SRGAP3: variants seen among roughly 807,000 people sequenced by gnomAD.
The protein encoded by SRGAP3 is SLIT-ROBO Rho GTPase-activating protein 3.
In SRGAP3, 39 loss-of-function variants were observed where a neutral mutation model predicts 121.1. The observed-to-expected ratio is 0.32, with a 90% CI of 0.25 to 0.42. The LOEUF (loss-of-function observed/expected upper bound fraction) is 0.42. Among genes scored for constraint, SRGAP3 ranks in the 10% least tolerant of loss-of-function variants. SRGAP3 has a pLI of 1.00. For synonymous variants in SRGAP3, 601 were observed against 570.0 expected (o/e 1.05, Z -0.77); for missense variants, 1,213 against 1,470.6 (o/e 0.82, Z 2.86).
At chr3:9,155,681 T>C (rs1419558292) in intron 1 of SRGAP3, among the ~76,000 whole-genome samples, 3 of 152,236 alleles carry the variant, frequency 2.0e-5, no homozygotes, top group South Asian at 2.1e-4. Context: ...ATGTCATCTA[T>C]TGAGGTTTTA....
intron 1 of SRGAP3, among the ~76,000 whole-genome samples, chr3:9,360,974 C>G (rs777302664): frequency 1.3e-5 from 2 of 152,180 alleles, no homozygotes; most frequent in Non-Finnish European, 2.9e-5. Context: ...TACTTTTAGT[C>G]ATTTTGATGA....
intron 3 of SRGAP3, among the ~76,000 whole-genome samples, chr3:9,322,834 C>T (rs756463425): frequency 2.6e-5 from 4 of 151,804 alleles, no homozygotes; most frequent in Non-Finnish European, 5.9e-5. Flanking sequence ...GCCCAGCAAT[C>T]CCATTCCTCA....
At chr3:9,214,702 G>T (rs556150832) in intron 1 of SRGAP3, among the ~76,000 whole-genome samples, 1 of 152,218 alleles carries the variant, frequency 6.6e-6, no homozygotes, top group Non-Finnish European at 1.5e-5. Context: ...TCTCGGTTTT[G>T]ATCTGTGCTT....
At chr3:9,138,626 C>T (rs546787898) in intron 1 of SRGAP3, among the ~76,000 whole-genome samples, 1 of 152,248 alleles carries the variant, frequency 6.6e-6, no homozygotes, top group African/African-American at 2.4e-5. Context: ...ATCCCTGATC[C>T]GAAAATCTGA....
intron 1 of SRGAP3, among the ~76,000 whole-genome samples, chr3:9,235,300 A>G (rs1206764084): frequency 7.9e-5 from 12 of 152,240 alleles, no homozygotes; most frequent in Non-Finnish European, 7.4e-5. Context: ...CATTTTTATT[A>G]TACACAGATA....
intron 3 of SRGAP3, among the ~76,000 whole-genome samples, chr3:9,270,289 A>T (rs1315212722): frequency 1.3e-5 from 2 of 152,232 alleles, no homozygotes; most frequent in African/African-American, 4.8e-5. Context: ...TGGAAAGAAA[A>T]AAGTCAATCT....
At chr3:9,160,990 G>A (rs1051636120) in intron 1 of SRGAP3, among the ~76,000 whole-genome samples, 1 of 152,002 alleles carries the variant, frequency 6.6e-6, no homozygotes, top group Non-Finnish European at 1.5e-5. Flanking sequence ...ATAAAGGAGA[G>A]GTAAAAGCTC....
chr3:8,985,166 A>G lies in SRGAP3; in HGVS notation c.*353T>C. 1 of 393,816 alleles carries G rather than the reference A, an allele frequency of 2.5e-6. No homozygotes were observed. 24.4% of individuals were successfully genotyped at this position (393,816 alleles called of 1,614,324 possible). On this transcript the variant is annotated 3_prime_UTR_variant, in exon 22 of 22. Coordinates refer to ENST00000383836, the MANE Select transcript of SRGAP3 (RefSeq NM_014850.4). The surrounding 1 kb of genome is among the most constrained non-coding windows in gnomAD (Gnocchi z 5.1). Reference sequence around the variant, plus strand: ...TGTGTATATATGCACACATCGATATACACACACATATACGTATGTAGAGAG... The same window carrying G: ...TGTGTATATATGCACACATCGATATGCACACACATATACGTATGTAGAGAG...
intron 1 of SRGAP3, among the ~76,000 whole-genome samples, chr3:9,230,483 T>C (rs1953162848): frequency 6.6e-6 from 1 of 152,166 alleles, no homozygotes; most frequent in African/African-American, 2.4e-5. Context: ...CGTACCCCCA[T>C]GCCAGAATCA....
At position 9,218,399 on chromosome 3, in the gene SRGAP3, A is replaced by C. The variant is rs1474327716; in HGVS notation, c.67+30486T>G. 1 of 152,236 alleles carries C rather than the reference A, an allele frequency of 6.6e-6. No individual in the cohort carries two copies. The highest frequency in any genetic ancestry group is 1.5e-5 in the Non-Finnish European group (1 of 68,064). 9.4% of individuals were successfully genotyped at this position (152,236 alleles called of 1,614,324 possible). ...TGGCAGAATCTAAGCATAAACGCTT[A>C]GCAGAGAAAATAAACACACCGTCCA... is the stretch of plus-strand genomic sequence containing the variant. On this transcript the variant is annotated intron_variant, in intron 1 of 21. Transcript: ENST00000383836. The surrounding 1 kb of genome is among the most constrained non-coding windows in gnomAD (Gnocchi z 5.3).
intron 3 of SRGAP3, among the ~76,000 whole-genome samples, chr3:9,102,357 C>T (rs1948249284): frequency 6.6e-6 from 1 of 152,186 alleles, no homozygotes; most frequent in Non-Finnish European, 1.5e-5. Flanking sequence ...CTGAGACAAA[C>T]TCCAAAAGCC....
intron 3 of SRGAP3, among the ~76,000 whole-genome samples, chr3:9,094,380 C>T (rs1202994309): frequency 1.3e-5 from 2 of 152,174 alleles, no homozygotes; most frequent in African/African-American, 4.8e-5. Flanking sequence ...TAGCGATGGA[C>T]ATTTAGGTTA....
At position 8,997,037 on chromosome 3, in the gene SRGAP3, C is replaced by T. The variant is rs537519504; in HGVS notation, c.2228-2514G>A. ...GGGAAAGAAAACAGGAGGAACAGGG[C>T]GAACCTCCAGCTCAGAGAAAGCACG... On this transcript the variant is annotated intron_variant, in intron 18 of 21. Transcript: ENST00000383836. Among the ~76,000 whole-genome samples, 7 of 152,206 alleles carry T rather than the reference C, an allele frequency of 4.6e-5. 1 individual carries two copies. Among genetic ancestry groups the T allele is most frequent in the East Asian group, 1.9e-4 (1 of 5,178 alleles).
At chr3:9,006,664 G>C (rs1271532726) in intron 18 of SRGAP3, among the ~76,000 whole-genome samples, 1 of 152,164 alleles carries the variant, frequency 6.6e-6, no homozygotes, top group Non-Finnish European at 1.5e-5. Flanking sequence ...GAAAATATCA[G>C]TAAGAGAATG....
intron 20 of SRGAP3, among the ~76,000 whole-genome samples, chr3:8,991,230 G>A (rs1942038961): frequency 6.6e-6 from 1 of 152,148 alleles, no homozygotes; most frequent in African/African-American, 2.4e-5. Flanking sequence ...TGATTCTGAG[G>A]GGCTTCTAAT....
chr3:9,064,256 A>T, intron 5 of SRGAP3, 140 bp downstream of exon 5: 1 of 1,134,420 alleles, frequency 8.8e-7, no homozygotes, highest in Non-Finnish European at 1.3e-6. Context: ...TGCTGGCTAC[A>T]TTGTCCCATC....
At chr3:9,359,989 G>T (rs1386990674) in intron 1 of SRGAP3, among the ~76,000 whole-genome samples, 1 of 152,178 alleles carries the variant, frequency 6.6e-6, no homozygotes, top group East Asian at 1.9e-4. Flanking sequence ...GAGTACAGTG[G>T]TGCAATCATA....
chr3:9,083,379 A>T (rs1297792960), intron 3 of SRGAP3, among the ~76,000 whole-genome samples: 1 of 152,260 alleles, frequency 6.6e-6, no homozygotes, highest in Non-Finnish European at 1.5e-5. Flanking sequence ...GTCCAGAGGC[A>T]ACTGCTACAA....
At chr3:9,173,600 G>T (rs1220006089) in intron 1 of SRGAP3, among the ~76,000 whole-genome samples, 6 of 152,118 alleles carry the variant, frequency 3.9e-5, no homozygotes, top group African/African-American at 1.2e-4. Flanking sequence ...CACTGAAGCA[G>T]AAATCTAAGC....
Sources: gnomAD v4.1 joint callset for allele counts (sites outside exome capture counted in the v4.1 genomes callset) on GRCh38, gnomAD v4.1.1 for gene constraint, Gnocchi (gnomAD v3.1) non-coding constraint, MANE v1.5 for transcripts, NCBI Gene and HGNC (gene_info 2026-07-23, HGNC 2026-07-21) for gene names.